The following IARS1 variants were observed in gnomAD, a reference collection of about 807,000 sequenced individuals.
IARS1 encodes the protein isoleucyl-tRNA synthetase 1.
Under a neutral mutation model 168.2 loss-of-function variants are expected in IARS1, and 124 were observed. That is an observed-to-expected ratio of 0.74 (90% CI 0.64 to 0.86). The LOEUF (loss-of-function observed/expected upper bound fraction) is 0.86. Among genes scored for constraint, IARS1 ranks in the 40% least tolerant of loss-of-function variants. The pLI, the probability that IARS1 is intolerant of heterozygous loss-of-function variation, is 0.00. For synonymous variants in IARS1, 532 were observed against 529.4 expected (o/e 1.00, Z -0.07); for missense variants, 1,452 against 1,515.8 (o/e 0.96, Z 0.70).
chr9:92,289,038 G>A (rs953552250), intron 2 of IARS1, among the ~76,000 whole-genome samples: 17 of 151,660 alleles, frequency 1.1e-4, no homozygotes, highest in African/African-American at 4.1e-4. Context: ...GTGAAACCCC[G>A]TCTCTACTAA....
chr9:92,256,472 G>A, intron 20 of IARS1: 1 of 363,126 alleles, frequency 2.8e-6, no homozygotes, highest in Non-Finnish European at 4.8e-6. Context: ...TTACAGGCGT[G>A]AGCCACCACA....
Position 92,260,287 on chromosome 9 carries a change from C to A in IARS1, c.1788-53G>T. On this transcript the variant is annotated intron_variant, in intron 17 of 33. Coordinates refer to ENST00000443024, the MANE Select transcript of IARS1 (RefSeq NM_002161.6). ...TAAGTAAGTCAATATCACAGATGAT[C>A]TTGTTTTAAGGATACAAATCATTTG... 3 of 1,116,360 alleles carry A rather than the reference C, an allele frequency of 2.7e-6. No individual in the cohort carries two copies. In the Admixed American group the frequency reaches 5.0e-5, roughly 19 times the overall value. 69.2% of individuals were successfully genotyped at this position (1,116,360 alleles called of 1,614,324 possible). A position where few individuals can be genotyped will look rare whatever the true frequency, so the allele number is the denominator to read the frequency against.
At chr9:92,222,374 A>G in intron 33 of IARS1, 146 bp downstream of exon 33, 1 of 540,332 alleles carries the variant, frequency 1.9e-6, no homozygotes, top group Non-Finnish European at 3.0e-6. Context: ...AAGAAAAGAA[A>G]ATTATATTAT....
At position 92,277,875 on chromosome 9, in the gene IARS1, G is replaced by C. The variant is rs755497503; in HGVS notation, c.882C>G (p.Asp294Glu). The C allele has an allele frequency of 2.2e-5, 36 of 1,613,704 alleles. No homozygotes were observed. The highest frequency in any genetic ancestry group is 2.7e-5 in the Non-Finnish European group (32 of 1,179,888). The change falls in exon 9 of 34, where the codon GAC becomes GAG. Residue 294 changes from aspartate to glutamate, a missense_variant. Coordinates refer to ENST00000443024, the MANE Select transcript of IARS1 (RefSeq NM_002161.6). ...TCCCTAAGCTTACCTTCAGGAAATAGTCAAACAGGGGCCTGTACTTCTTGC... is the reference window on the plus strand; with the variant it reads ...TCCCTAAGCTTACCTTCAGGAAATACTCAAACAGGGGCCTGTACTTCTTGC... The part of the protein sequence containing the change: ...LKGKKYRPLF[D>E]YFLKCKENGA...
intron 25 of IARS1, among the ~76,000 whole-genome samples, chr9:92,249,166 C>G (rs1029891553): frequency 5.9e-5 from 9 of 152,190 alleles, no homozygotes; most frequent in African/African-American, 2.2e-4. Flanking sequence ...TGGAGAGAGG[C>G]TCCCTATGCT....
At chr9:92,217,855 A>G (rs1460010211) in intron 33 of IARS1, among the ~76,000 whole-genome samples, 1 of 151,952 alleles carries the variant, frequency 6.6e-6, no homozygotes, top group Admixed American at 6.6e-5. Flanking sequence ...ACAAGGAGGA[A>G]CTGGTACCAT....
chr9:92,260,209 T>C lies in IARS1; in HGVS notation c.1813A>G (p.Lys605Glu). The change falls in exon 18 of 34, where the codon AAA (lysine) becomes GAA (glutamate). Residue 605 changes from lysine to glutamate, a missense_variant. Transcript: ENST00000443024. The stretch of plus-strand genomic sequence containing the variant: ...GAAACTGGATCTGGATAATTCTTTT[T>C]CCGTTTGCTCATTTTTTGGCCATCA... ...ASDGQKMSKR[K>E]KNYPDPVSII... The C allele has an allele frequency of 2.5e-6, 4 of 1,614,114 alleles. No individual in the cohort carries two copies. The highest frequency in any genetic ancestry group is 3.4e-6 in the Non-Finnish European group (4 of 1,179,928).
chr9:92,256,910 C>T (rs1830812090), intron 19 of IARS1, 110 bp from the exon 20 acceptor site: 1 of 996,184 alleles, frequency 1.0e-6, no homozygotes, highest in Non-Finnish European at 1.4e-6. Flanking sequence ...AATCCCAGAC[C>T]CTACTGGCAA....
intron 26 of IARS1, among the ~76,000 whole-genome samples, chr9:92,245,656 A>G (rs1440035673): frequency 6.6e-6 from 1 of 152,012 alleles, no homozygotes; most frequent in Non-Finnish European, 1.5e-5. Context: ...CCCGGGTGTC[A>G]TTTTTATGTT....
chr9:92,244,428 C>A (rs1028814183), intron 27 of IARS1, among the ~76,000 whole-genome samples: 102 of 152,204 alleles, frequency 6.7e-4, no homozygotes, highest in African/African-American at 2.4e-3. Flanking sequence ...AACCCACATG[C>A]GAGATCTTAC....
intron 30 of IARS1, among the ~76,000 whole-genome samples, chr9:92,235,234 G>C (rs1764225475): frequency 6.6e-6 from 1 of 152,090 alleles, no homozygotes; most frequent in African/African-American, 2.4e-5. Flanking sequence ...GTCATGCCGT[G>C]GTCCACTGGC....
chr9:92,234,874 G>A (rs1026928839), intron 30 of IARS1, among the ~76,000 whole-genome samples: 1 of 149,708 alleles, frequency 6.7e-6, no homozygotes, highest in Non-Finnish European at 1.5e-5. Context: ...GATGGAGTTC[G>A]TTCTTGTTGC....
Position 92,265,060 on chromosome 9 carries a change from C to T in IARS1, c.1569G>A (p.Val523=), listed in dbSNP as rs372360060. 44 of 1,614,038 alleles carry T rather than the reference C, an allele frequency of 2.7e-5. No individual in the cohort carries two copies. In the African/African-American group the frequency reaches 5.6e-4, roughly 21 times the overall value. The change falls in exon 16 of 34, where the codon GTG becomes GTA. Residue 523 remains valine, a synonymous_variant. Transcript: ENST00000443024. ...TGCCACTCTCAAACCAACAGTCAAACACTTCAGAGATGCGGTGCAAGGATC... is the reference window on the plus strand; with the variant it reads ...TGCCACTCTCAAACCAACAGTCAAATACTTCAGAGATGCGGTGCAAGGATC... ...GKGSLHRISE[V]FDCWFESGSM...
chr9:92,242,958 T>C (rs975860744), intron 28 of IARS1: 1 of 391,324 alleles, frequency 2.6e-6, no homozygotes, highest in African/African-American at 2.1e-5. Context: ...ACAGGGGATA[T>C]TCTGTAGAAG....
chr9:92,292,957 A>G (rs1346165726), intron 1 of IARS1, among the ~76,000 whole-genome samples: 1 of 152,210 alleles, frequency 6.6e-6, no homozygotes, highest in African/African-American at 2.4e-5. Context: ...CACCCCTGAC[A>G]CTACTCAGAA....
At chr9:92,273,081 G>A (rs1222707798) in intron 10 of IARS1, among the ~76,000 whole-genome samples, 9 of 145,618 alleles carry the variant, frequency 6.2e-5, no homozygotes, top group African/African-American at 2.3e-4. Context: ...GCAGTGAGCC[G>A]AGATCCTGCC....
intron 1 of IARS1, among the ~76,000 whole-genome samples, chr9:92,292,831 C>T (rs1010249322): frequency 2.0e-5 from 3 of 152,236 alleles, no homozygotes; most frequent in African/African-American, 7.2e-5. Context: ...GAAACGCACA[C>T]TAAAACCATG....
At chr9:92,293,038 C>T (rs1259181671) in intron 1 of IARS1, among the ~76,000 whole-genome samples, 1 of 152,204 alleles carries the variant, frequency 6.6e-6, no homozygotes, top group Non-Finnish European at 1.5e-5. Context: ...TCCCCCTTTT[C>T]ATTCTCCTCT....
chr9:92,247,645 C>T, intron 25 of IARS1, 94 bp from the exon 26 acceptor site: 1 of 1,087,522 alleles, frequency 9.2e-7, no homozygotes. Flanking sequence ...TCCTAACTGC[C>T]AGAAAGCAAG....
Sources: allele counts gnomAD v4.1 joint callset (sites outside exome capture counted in the v4.1 genomes callset), GRCh38; gene constraint gnomAD v4.1.1; transcripts MANE v1.5; gene names NCBI Gene and HGNC (gene_info 2026-07-23, HGNC 2026-07-21).